ARHGEF28: variants seen among roughly 807,000 people sequenced by gnomAD.
ARHGEF28 encodes the protein Rho guanine nucleotide exchange factor 28.
A neutral mutation model predicts 206.6 loss-of-function variants in ARHGEF28; 152 were observed. The ratio of observed to expected loss-of-function variants is 0.74; its 90% CI spans 0.64 to 0.84. The LOEUF is 0.84. Ranked by LOEUF, ARHGEF28 falls within the 40% of genes least tolerant of loss-of-function variation. ARHGEF28 has a pLI of 0.00. For synonymous variants in ARHGEF28, 763 were observed against 776.4 expected, an observed-to-expected ratio of 0.98 and a Z score of 0.29; for missense variants, 2,028 against 2,073.2, an observed-to-expected ratio of 0.98 and a Z score of 0.42.
In ARHGEF28 at chr5:73,832,341, G is replaced by T. The variant is rs187897891; in HGVS notation, c.1028G>T (p.Arg343Leu). 4 of 1,612,194 alleles carry T rather than the reference G, an allele frequency of 2.5e-6. No homozygotes were observed. The African/African-American group carries it at 4.0e-5, about 16-fold the overall frequency. ...HEDQHSLDLD[R>L]SFDILKKSKP... ...TGTTTTCATTTTTGTACTCTAGATC[G>T]CTCCTTCGATATCCTAAAAAAATCC... The change falls in exon 10 of 36, where the codon CGC (arginine) becomes CTC (leucine). Residue 343 changes from arginine (R) to leucine (L), a missense_variant. Transcript: ENST00000513042.
chr5:73,742,369 GTTTTAT>G (rs1580554338), intron 2 of ARHGEF28, among the ~76,000 whole-genome samples: 1 of 151,908 alleles, frequency 6.6e-6, no homozygotes, highest in Non-Finnish European at 1.5e-5. Flanking sequence ...TGGCATGCAT[GTTTTAT>G]TTTTATGTTT....
chr5:73,890,346 C>G (rs1428338278), intron 26 of ARHGEF28, among the ~76,000 whole-genome samples: 1 of 152,222 alleles, frequency 6.6e-6, no homozygotes, highest in African/African-American at 2.4e-5. Context: ...TGCCTTTTTA[C>G]ATACAGAGGC....
rs376244802 is a variant in ARHGEF28 at position 73,870,331 on chromosome 5, G to T, written c.2566+122G>T. ...TCTATCATTTTCTATTTACCTGATC[G>T]CAGACAAATTATTTAGATCACCTAG... On this transcript the variant is annotated intron_variant, in intron 21 of 35. Coordinates refer to ENST00000513042, the MANE Select transcript of ARHGEF28 (RefSeq NM_001177693.2). 13 of 1,200,342 alleles carry T rather than the reference G, an allele frequency of 1.1e-5. No individual in the cohort carries two copies. The East Asian group carries it at 2.4e-4, about 22-fold the overall frequency. 74.4% of individuals were successfully genotyped at this position (1,200,342 alleles called of 1,614,324 possible).
intron 4 of ARHGEF28, among the ~76,000 whole-genome samples, chr5:73,763,786 A>G (rs1752743912): frequency 6.6e-6 from 1 of 152,202 alleles, no homozygotes; most frequent in African/African-American, 2.4e-5. Context: ...GAGGTATGCC[A>G]TAATTGCTAC....
chr5:73,935,078 T>A (rs1207421117), intron 35 of ARHGEF28, among the ~76,000 whole-genome samples: 3 of 152,200 alleles, frequency 2.0e-5, no homozygotes, highest in Admixed American at 2.0e-4. Flanking sequence ...TATAATCTCA[T>A]CTTCATTGTA....
intron 6 of ARHGEF28, 23 bp from the exon 7 acceptor site, chr5:73,780,653 T>A: frequency 4.5e-6 from 7 of 1,546,224 alleles, no homozygotes; most frequent in Non-Finnish European, 6.1e-6. Context: ...TTTTTTGTTT[T>A]TTTTTTCCCC....
chr5:73,831,692 T>TTTTG (rs1013001865), intron 9 of ARHGEF28, among the ~76,000 whole-genome samples: 2 of 152,296 alleles, frequency 1.3e-5, no homozygotes, highest in South Asian at 4.1e-4. Context: ...AATGTATAGT[T>TTTTG]TTTGTTTGTT....
At chr5:73,717,280 G>T (rs1394631602) in intron 2 of ARHGEF28, among the ~76,000 whole-genome samples, 1 of 152,002 alleles carries the variant, frequency 6.6e-6, no homozygotes. Flanking sequence ...AGGCCTATTT[G>T]CCCCCTCTTC....
rs375531864 is a variant in ARHGEF28 at position 73,891,340 on chromosome 5, G to A, written c.3388-712G>A. ...TTCTGAGTTTCTGGGCTTCTGTTCC[G>A]TCACCTTATTGAAAGAGTATTGCAA... On this transcript the variant is annotated intron_variant, in intron 26 of 35. Coordinates refer to ENST00000513042, the MANE Select transcript of ARHGEF28 (RefSeq NM_001177693.2). 9.2e-5 allele frequency among the ~76,000 whole-genome samples: 14 copies of A among 151,972 alleles called. No individual in the cohort carries two copies. The East Asian group carries it at 9.7e-4, about 10-fold the overall frequency.
chr5:73,776,037 T>A (rs1276132118), intron 5 of ARHGEF28, among the ~76,000 whole-genome samples: 7 of 152,222 alleles, frequency 4.6e-5, no homozygotes, highest in Admixed American at 4.6e-4. Context: ...TTTACAACAG[T>A]GGTACCATGT....
intron 4 of ARHGEF28, among the ~76,000 whole-genome samples, chr5:73,767,677 A>G (rs187867904): frequency 1.6e-4 from 25 of 152,332 alleles, no homozygotes; most frequent in African/African-American, 5.8e-4. Flanking sequence ...GAAGCAGAGC[A>G]TAAAAGTTTG....
At chr5:73,689,101 A>T (rs1418929877) in intron 2 of ARHGEF28, among the ~76,000 whole-genome samples, 1 of 152,200 alleles carries the variant, frequency 6.6e-6, no homozygotes, top group Non-Finnish European at 1.5e-5. Context: ...ACGTAGTTTT[A>T]TAGAGATAAT....
intron 1 of ARHGEF28, among the ~76,000 whole-genome samples, chr5:73,649,469 C>T (rs1580439405): frequency 6.6e-6 from 1 of 152,124 alleles, no homozygotes; most frequent in African/African-American, 2.4e-5. Flanking sequence ...CATTGTGGCC[C>T]TTTTTAAGAT....
intron 5 of ARHGEF28, 65 bp downstream of exon 5, chr5:73,774,103 A>G: frequency 7.0e-7 from 1 of 1,435,372 alleles, no homozygotes; most frequent in Admixed American, 2.6e-5. Context: ...TTATAGAAAA[A>G]TGGAAATAAC....
intron 10 of ARHGEF28, among the ~76,000 whole-genome samples, chr5:73,835,805 T>G (rs954577358): frequency 7.9e-5 from 12 of 152,076 alleles, no homozygotes; most frequent in African/African-American, 2.9e-4. Flanking sequence ...TGGGGAGTCT[T>G]GTGGGACTGA....
intron 2 of ARHGEF28, among the ~76,000 whole-genome samples, chr5:73,694,388 A>G (rs1292355113): frequency 6.6e-6 from 1 of 152,212 alleles, no homozygotes; most frequent in Non-Finnish European, 1.5e-5. Context: ...CCTGTATTTC[A>G]GTGACAGCTC....
At chr5:73,635,212 A>G (rs1196393331) in intron 1 of ARHGEF28, among the ~76,000 whole-genome samples, 2 of 152,174 alleles carry the variant, frequency 1.3e-5, no homozygotes, top group East Asian at 3.9e-4. Context: ...GCATGGTGGC[A>G]CATGCCTATA....
At chr5:73,866,128 A>G (rs949975377) in intron 18 of ARHGEF28, 115 bp downstream of exon 18, 2 of 941,324 alleles carry the variant, frequency 2.1e-6, no homozygotes, top group Non-Finnish European at 3.1e-6. Context: ...TTCTTCTTTC[A>G]TAACATATGC....
chr5:73,697,792 A>G (rs923683198), intron 2 of ARHGEF28, among the ~76,000 whole-genome samples: 1 of 152,342 alleles, frequency 6.6e-6, no homozygotes, highest in Admixed American at 6.5e-5. Context: ...AGTTGATTAG[A>G]GCATCTCATG....
Sources: gnomAD v4.1 joint callset for allele counts (sites outside exome capture counted in the v4.1 genomes callset) on GRCh38, gnomAD v4.1.1 for gene constraint, MANE v1.5 for transcripts, NCBI Gene and HGNC (gene_info 2026-07-23, HGNC 2026-07-21) for gene names.